IGF2BP2: variants seen among roughly 807,000 people sequenced by gnomAD.
IGF2BP2 encodes the protein insulin like growth factor 2 mRNA binding protein 2.
In IGF2BP2, 17 loss-of-function variants were observed where a neutral mutation model predicts 75.8. The observed-to-expected ratio is 0.22, with a 90% CI of 0.15 to 0.34. The LOEUF (loss-of-function observed/expected upper bound fraction) is 0.34, where lower values mean the gene tolerates loss of function less well. Ranked by LOEUF, IGF2BP2 falls within the 10% of genes least tolerant of loss-of-function variation. IGF2BP2 has a pLI of 1.00. For synonymous variants in IGF2BP2, 288 were observed against 295.6 expected (o/e 0.97, Z 0.26); for missense variants, 516 against 772.4 (o/e 0.67, Z 3.93).
At chr3:185,714,401 C>T (rs1171632174) in intron 2 of IGF2BP2, among the ~76,000 whole-genome samples, 1 of 152,202 alleles carries the variant, frequency 6.6e-6, no homozygotes. Flanking sequence ...ATCCATCCAT[C>T]CATCTCACTT....
chr3:185,650,866 A>T (rs546761396), intron 13 of IGF2BP2, among the ~76,000 whole-genome samples: 15 of 152,238 alleles, frequency 9.9e-5, no homozygotes, highest in East Asian at 1.9e-4. Flanking sequence ...GTCTCTAGGG[A>T]CTGGCCTATT....
intron 2 of IGF2BP2, chr3:185,814,151 T>G (rs945805323): frequency 6.6e-6 from 1 of 152,302 alleles, no homozygotes; most frequent in Non-Finnish European, 1.5e-5. Context: ...TTTAGTCACC[T>G]ACACTTCTAT....
At chr3:185,808,247 G>A (rs1434905778) in intron 2 of IGF2BP2, among the ~76,000 whole-genome samples, 5 of 152,060 alleles carry the variant, frequency 3.3e-5, no homozygotes, top group Admixed American at 1.3e-4. Flanking sequence ...AGGCCGAGGC[G>A]GGTGGATCAC....
At chr3:185,712,701 A>G (rs1724983983) in intron 2 of IGF2BP2, 1 of 152,058 alleles carries the variant, frequency 6.6e-6, no homozygotes, top group Non-Finnish European at 1.5e-5. Flanking sequence ...CATGGACCTT[A>G]GGCTACAAAT....
chr3:185,664,779 A>G (rs1560248797), intron 10 of IGF2BP2, among the ~76,000 whole-genome samples: 1 of 152,146 alleles, frequency 6.6e-6, no homozygotes, highest in Non-Finnish European at 1.5e-5. Context: ...AGACACAAAG[A>G]GTAGAGTGAG....
At chr3:185,820,601 T>C (rs1053049904) in intron 2 of IGF2BP2, among the ~76,000 whole-genome samples, 1 of 152,128 alleles carries the variant, frequency 6.6e-6, no homozygotes, top group African/African-American at 2.4e-5. Flanking sequence ...TGGCATCTAG[T>C]CTATTATGCT....
At chr3:185,658,808 G>A (rs145582293) in intron 10 of IGF2BP2, among the ~76,000 whole-genome samples, 42 of 152,290 alleles carry the variant, frequency 2.8e-4, no homozygotes, top group Admixed American at 6.5e-4. Flanking sequence ...GGAGAATGAT[G>A]AGTCGTAGAT....
In IGF2BP2 at chr3:185,689,481, C is replaced by G. The variant is rs905059769; in HGVS notation, c.551G>C (p.Gly184Ala). The change falls in exon 6 of 16, where the codon GGG becomes GCG. Residue 184 changes from glycine to alanine, a missense_variant. Gly to Ala is a moderately conservative substitution (Grantham distance 60). Around this residue, in one of 3 missense-constraint regions of IGF2BP2, gnomAD observed 312 missense variants for 474.5 expected, o/e 0.66. Coordinates refer to ENST00000382199, the MANE Select transcript of IGF2BP2 (RefSeq NM_006548.6). The part of the protein sequence containing the change: ...HSSREQGHAP[G>A]GTSQARQIDF... ...AATCTGTCTGGCCTGAGAAGTGCCC[C>G]CAGGGGCGTGGCCTTGCTCCCGGGA... The G allele has an allele frequency of 1.9e-6, 3 of 1,613,800 alleles. No individual in the cohort carries two copies. The highest frequency in any genetic ancestry group is 2.5e-6 in the Non-Finnish European group (3 of 1,179,894).
chr3:185,820,891 A>G (rs1741291289), intron 2 of IGF2BP2: 1 of 854,552 alleles, frequency 1.2e-6, no homozygotes, highest in Non-Finnish European at 1.7e-6. Context: ...AACCACATAT[A>G]GAATTGACTT....
At chr3:185,820,154 C>G (rs1477416684) in intron 2 of IGF2BP2, among the ~76,000 whole-genome samples, 1 of 150,986 alleles carries the variant, frequency 6.6e-6, no homozygotes, top group Non-Finnish European at 1.5e-5. Flanking sequence ...ACTTGAGGTA[C>G]AAAAGCACAT....
At chr3:185,792,344 C>G (rs1736756136) in intron 2 of IGF2BP2, among the ~76,000 whole-genome samples, 1 of 152,158 alleles carries the variant, frequency 6.6e-6, no homozygotes, top group Non-Finnish European at 1.5e-5. Context: ...GTGGCTCATG[C>G]CTATAATCCC....
intron 2 of IGF2BP2, among the ~76,000 whole-genome samples, chr3:185,705,780 G>C (rs909046012): frequency 1.8e-4 from 27 of 152,156 alleles, no homozygotes; most frequent in African/African-American, 6.0e-4. Flanking sequence ...GGAAGGACTA[G>C]ATATCTCTCT....
intron 2 of IGF2BP2, among the ~76,000 whole-genome samples, chr3:185,734,677 T>A (rs1289631012): frequency 6.6e-6 from 1 of 152,198 alleles, no homozygotes; most frequent in Non-Finnish European, 1.5e-5. Flanking sequence ...TGGAAAAAAA[T>A]AATTTTAATT....
intron 10 of IGF2BP2, among the ~76,000 whole-genome samples, chr3:185,668,504 G>T (rs919053170): frequency 0.012 from 1,416 of 122,718 alleles, 14 homozygotes; most frequent in African/African-American, 0.032. Context: ...GAGAGAGAGA[G>T]AGAGATATAT....
chr3:185,658,028 ACT>A (rs1434798892), intron 11 of IGF2BP2, among the ~76,000 whole-genome samples: 3 of 151,708 alleles, frequency 2.0e-5, no homozygotes, highest in African/African-American at 7.3e-5. Flanking sequence ...ATCTTTGGAA[ACT>A]CTGCTATTCA....
intron 2 of IGF2BP2, among the ~76,000 whole-genome samples, chr3:185,754,740 A>C (rs1376102445): frequency 6.6e-6 from 1 of 152,198 alleles, no homozygotes; most frequent in East Asian, 1.9e-4. Flanking sequence ...ATTACATCTT[A>C]GCAAAGAACT....
intron 1 of IGF2BP2, 69 bp from the exon 2 acceptor site, chr3:185,823,282 C>A (rs1741599623): frequency 8.2e-7 from 1 of 1,225,768 alleles, no homozygotes; most frequent in Non-Finnish European, 1.2e-6. Context: ...AGGGGGGGCA[C>A]GCACGGAACT....
In IGF2BP2 at chr3:185,806,179, G is replaced by A. The variant is rs74545029; in HGVS notation, c.239+16974C>T. Among the ~76,000 whole-genome samples the A allele has an allele frequency of 3.5e-3, 521 of 150,330 alleles. 2 individuals carry two copies. The highest frequency in any genetic ancestry group is 0.012 in the African/African-American group (501 of 41,018). On this transcript the variant is annotated intron_variant, in intron 2 of 15. Transcript: ENST00000382199. ...AGTTCTCTCTAAACTCCCTGAAGCA[G>A]AAAAAAAAAGTTTAACTATTATCAT...
intron 6 of IGF2BP2, among the ~76,000 whole-genome samples, chr3:185,687,649 T>A (rs921648920): frequency 1.1e-4 from 17 of 152,252 alleles, no homozygotes; most frequent in African/African-American, 4.1e-4. Flanking sequence ...TATTTGAGTG[T>A]GGATAGAAAA....
Sources: gnomAD v4.1 joint callset for allele counts (sites outside exome capture counted in the v4.1 genomes callset) on GRCh38, gnomAD v4.1.1 for gene constraint, gnomAD v4.1.1 regional missense constraint, MANE v1.5 for transcripts, NCBI Gene and HGNC (gene_info 2026-07-23, HGNC 2026-07-21) for gene names.